Variants in ANKRD22 observed in about 807,000 individuals in gnomAD.
ANKRD22 encodes the protein ankyrin repeat domain 22.
In ANKRD22, 24 loss-of-function variants were observed where a neutral mutation model predicts 25.7. The ratio of observed to expected loss-of-function variants is 0.93; its 90% CI spans 0.68 to 1.31. The LOEUF (loss-of-function observed/expected upper bound fraction) is 1.31. Ranked by LOEUF, ANKRD22 falls within the 50% of genes most tolerant of loss-of-function variation. The pLI is 0.00. For synonymous variants in ANKRD22, 84 were observed against 84.3 expected, an observed-to-expected ratio of 1.00 and a Z score of 0.02; for missense variants, 214 against 227.1, an observed-to-expected ratio of 0.94 and a Z score of 0.37.
At chr10:88,839,901 C>A (rs187646753) in intron 1 of ANKRD22, among the ~76,000 whole-genome samples, 1 of 152,064 alleles carries the variant, frequency 6.6e-6, no homozygotes, top group African/African-American at 2.4e-5. Flanking sequence ...CCACTATTGA[C>A]CAGTTAAATA....
At chr10:88,837,515 A>C (rs1843965067) in intron 1 of ANKRD22, among the ~76,000 whole-genome samples, 1 of 152,236 alleles carries the variant, frequency 6.6e-6, no homozygotes, top group Admixed American at 6.5e-5. Context: ...CTAAGGCCAA[A>C]GCAAGGGAGA....
intron 2 of ANKRD22, among the ~76,000 whole-genome samples, chr10:88,830,613 T>TA (rs1192425274): frequency 2.0e-5 from 3 of 152,344 alleles, no homozygotes; most frequent in Admixed American, 1.3e-4. Context: ...CTTCTACTGA[T>TA]AAAATCTATT....
chr10:88,842,778 T>A (rs553483950), intron 1 of ANKRD22, among the ~76,000 whole-genome samples: 1 of 152,258 alleles, frequency 6.6e-6, no homozygotes, highest in Admixed American at 6.6e-5. Flanking sequence ...TTCACATACT[T>A]GGAAAAATAA....
At chr10:88,834,823 A>C (rs924087150) in intron 1 of ANKRD22, among the ~76,000 whole-genome samples, 1 of 152,114 alleles carries the variant, frequency 6.6e-6, no homozygotes, top group Non-Finnish European at 1.5e-5. Context: ...GGTGCCTATA[A>C]TCCCAGCTAC....
At position 88,828,546 on chromosome 10, in the gene ANKRD22, G is replaced by A; in HGVS notation, c.321+13C>T. On this transcript the variant is annotated intron_variant, in intron 3 of 5. Transcript: ENST00000371930. ...TCCACATTTGCCCTTTGCTCTACAAGTGTTGTACTCACCATGAGGAAATAC... is the reference window on the plus strand; with the variant it reads ...TCCACATTTGCCCTTTGCTCTACAAATGTTGTACTCACCATGAGGAAATAC... 6.4e-7 allele frequency: 1 copy of A among 1,559,046 alleles called. No individual in the cohort carries two copies. The highest frequency in any genetic ancestry group is 8.8e-7 in the Non-Finnish European group (1 of 1,131,994).
intron 1 of ANKRD22, among the ~76,000 whole-genome samples, chr10:88,850,981 G>A (rs1354548712): frequency 6.6e-6 from 1 of 151,986 alleles, no homozygotes; most frequent in East Asian, 1.9e-4. Flanking sequence ...GTACTTTCTT[G>A]AAACATCATT....
At chr10:88,848,034 T>C (rs908619901) in intron 1 of ANKRD22, among the ~76,000 whole-genome samples, 1 of 151,880 alleles carries the variant, frequency 6.6e-6, no homozygotes, top group Admixed American at 6.6e-5. Flanking sequence ...CTGTGACCCA[T>C]CACATGAGGT....
At position 88,823,482 on chromosome 10, in the gene ANKRD22, C is replaced by T. The variant is rs138721402; in HGVS notation, c.400-104G>A. 1,161 of 850,044 alleles carry T rather than the reference C, an allele frequency of 1.4e-3. 12 individuals are homozygous for T. In the African/African-American group the frequency reaches 0.017, roughly 13 times the overall value. The allele number at this position is 850,044 out of a possible 1,614,324, so 52.7% of individuals were successfully genotyped here. A position where few individuals can be genotyped will look rare whatever the true frequency, so the allele number is the denominator to read the frequency against. ...CCTTTTCACACTTTGTAGTATACAA[C>T]TAAGCAGAAAAATAGTCTGCAAACC... On this transcript the variant is annotated intron_variant, in intron 4 of 5. Coordinates refer to ENST00000371930, the MANE Select transcript of ANKRD22 (RefSeq NM_144590.3).
chr10:88,834,486 A>C (rs112780090), intron 1 of ANKRD22, among the ~76,000 whole-genome samples: 154 of 152,336 alleles, frequency 1.0e-3, no homozygotes, highest in African/African-American at 3.3e-3. Context: ...ACTACTCATC[A>C]AGCATTTGGA....
At position 88,826,042 on chromosome 10, in the gene ANKRD22, T is replaced by A; in HGVS notation, c.395A>T (p.Asp132Val). ...LDAGVEVNAT[D>V]CYGCTALHYA... is the part of the protein sequence containing the mutation. ...TGGCTAAAAGTATAAACTTACACAA[T>A]CTGTAGCATTAACTTCGACGCCAGC... The change falls in exon 4 of 6, where the codon GAT (aspartate) becomes GTT (valine). Residue 132 changes from aspartate to valine, a missense_variant. Transcript: ENST00000371930. 1.2e-6 allele frequency: 2 copies of A among 1,609,880 alleles called. No individual in the cohort carries two copies. The highest frequency in any genetic ancestry group is 1.7e-6 in the Non-Finnish European group (2 of 1,177,326).
chr10:88,827,937 G>GA (rs1235368115), intron 3 of ANKRD22, among the ~76,000 whole-genome samples: 3 of 151,680 alleles, frequency 2.0e-5, no homozygotes, highest in Non-Finnish European at 4.4e-5. Context: ...ACCCTATTGG[G>GA]AAAAAAAACC....
At chr10:88,829,251 C>T (rs1843883590) in intron 2 of ANKRD22, among the ~76,000 whole-genome samples, 1 of 152,060 alleles carries the variant, frequency 6.6e-6, no homozygotes. Flanking sequence ...CAGAAATATG[C>T]ACAAATAAAT....
intron 1 of ANKRD22, among the ~76,000 whole-genome samples, chr10:88,846,605 C>G (rs1035290333): frequency 6.6e-6 from 1 of 152,186 alleles, no homozygotes; most frequent in South Asian, 2.1e-4. Context: ...TCCCTGGTGA[C>G]CCATGCCTTT....
At chr10:88,843,196 A>C (rs1355768313) in intron 1 of ANKRD22, among the ~76,000 whole-genome samples, 1 of 152,116 alleles carries the variant, frequency 6.6e-6, no homozygotes, top group Admixed American at 6.6e-5. Context: ...TCCTTTTCCT[A>C]AAATCAACTC....
At chr10:88,838,536 G>C (rs528102403) in intron 1 of ANKRD22, among the ~76,000 whole-genome samples, 1 of 152,164 alleles carries the variant, frequency 6.6e-6, no homozygotes, top group African/African-American at 2.4e-5. Flanking sequence ...ACTCTGTCTA[G>C]GGATGAGAAG....
In ANKRD22 at chr10:88,823,026, G is replaced by C. The variant is rs758820445; in HGVS notation, c.499-8C>G. On this transcript the variant is annotated splice_region_variant and splice_polypyrimidine_tract_variant and intron_variant, in intron 5 of 5. Transcript: ENST00000371930. ...CAGTGAGCTCTCACCATGCTGAGGGGGGAAAAATATACAGTTATTTCCAAT... is the reference window on the plus strand; with the variant it reads ...CAGTGAGCTCTCACCATGCTGAGGGCGGAAAAATATACAGTTATTTCCAAT... The C allele has an allele frequency of 1.2e-6, 2 of 1,610,738 alleles. No homozygotes were observed. Among genetic ancestry groups the C allele is most frequent in the South Asian group, 1.1e-5 (1 of 90,972 alleles).
intron 1 of ANKRD22, among the ~76,000 whole-genome samples, chr10:88,837,889 C>T (rs1460957755): frequency 6.6e-6 from 1 of 152,224 alleles, no homozygotes; most frequent in Non-Finnish European, 1.5e-5. Context: ...TCCTCATTTG[C>T]CTTTTGCCAG....
In ANKRD22 at chr10:88,820,182, C is replaced by A; in HGVS notation, c.*2759G>T. ...GTCTATTTGAAACATAAATTATGAG[C>A]CTGAAAGTCCAAATGTTACCTAGAG... On this transcript the variant is annotated 3_prime_UTR_variant, in exon 6 of 6. Coordinates refer to ENST00000371930, the MANE Select transcript of ANKRD22 (RefSeq NM_144590.3). 2.1e-6 allele frequency: 3 copies of A among 1,424,958 alleles called. No homozygotes were observed. Among genetic ancestry groups the A allele is most frequent in the South Asian group, 1.4e-5 (1 of 73,480 alleles). 88.3% of individuals were successfully genotyped at this position (1,424,958 alleles called of 1,614,324 possible). A position where few individuals can be genotyped will look rare whatever the true frequency, so the allele number is the denominator to read the frequency against.
At chr10:88,829,857 G>T (rs1482891320) in intron 2 of ANKRD22, among the ~76,000 whole-genome samples, 5 of 152,180 alleles carry the variant, frequency 3.3e-5, no homozygotes, top group Non-Finnish European at 5.9e-5. Context: ...GCTCACTGCA[G>T]CCTTGACTTC....
Sources: allele counts gnomAD v4.1 joint callset (sites outside exome capture counted in the v4.1 genomes callset), GRCh38; gene constraint gnomAD v4.1.1; transcripts MANE v1.5; gene names NCBI Gene and HGNC (gene_info 2026-07-23, HGNC 2026-07-21).